NEDD4L: variants seen among roughly 807,000 people sequenced by gnomAD.
NEDD4L encodes the protein NEDD4 like E3 ubiquitin protein ligase, also known as E3 ubiquitin-protein ligase NEDD4-like.
A neutral mutation model predicts 148.9 loss-of-function variants in NEDD4L; 54 were observed. The ratio of observed to expected loss-of-function variants is 0.36; its 90% CI spans 0.29 to 0.45. The LOEUF (loss-of-function observed/expected upper bound fraction) is 0.45, where lower values mean the gene tolerates loss of function less well. Among genes scored for constraint, NEDD4L ranks in the 20% least tolerant of loss-of-function variants. The pLI, the probability that NEDD4L is intolerant of heterozygous loss-of-function variation, is 1.00. For missense variants in NEDD4L, 856 were observed against 1,233.8 expected, an observed-to-expected ratio of 0.69 and a Z score of 4.59; for synonymous variants, 433 against 440.7, an observed-to-expected ratio of 0.98 and a Z score of 0.22.
chr18:58,195,532 G>A (rs968862769), intron 2 of NEDD4L: 2 of 1,341,816 alleles, frequency 1.5e-6, no homozygotes, highest in African/African-American at 1.5e-5. Context: ...GGGCGGGAGC[G>A]GCTGCAGAGC....
intron 5 of NEDD4L, among the ~76,000 whole-genome samples, chr18:58,285,505 C>T (rs552329508): frequency 1.3e-5 from 2 of 152,202 alleles, no homozygotes; most frequent in East Asian, 3.9e-4. Flanking sequence ...AGATTCCTCT[C>T]CTACCCCTAG....
At chr18:58,156,173 C>T (rs60515819) in intron 1 of NEDD4L, among the ~76,000 whole-genome samples, 8,098 of 152,228 alleles carry the variant, frequency 0.053, 336 homozygotes, top group East Asian at 0.22. Context: ...ACTAGTCCAG[C>T]GACCAGCCCA....
intron 4 of NEDD4L, among the ~76,000 whole-genome samples, chr18:58,251,220 C>G (rs1439641959): frequency 6.6e-6 from 1 of 152,130 alleles, no homozygotes; most frequent in Non-Finnish European, 1.5e-5. Flanking sequence ...AATAACAAGA[C>G]AGTGCCTAAA....
intron 8 of NEDD4L, among the ~76,000 whole-genome samples, 179 bp from the exon 9 acceptor site, chr18:58,324,817 G>GAT (rs1181429627): frequency 2.6e-5 from 4 of 152,026 alleles, no homozygotes; most frequent in Admixed American, 6.6e-5. Flanking sequence ...TTCTAGAATT[G>GAT]ATATATATAT....
chr18:58,314,823 T>G (rs2058087860), intron 5 of NEDD4L, among the ~76,000 whole-genome samples: 1 of 152,198 alleles, frequency 6.6e-6, no homozygotes, highest in African/African-American at 2.4e-5. Context: ...TTCATCAAAT[T>G]TTTTCAATTA....
At chr18:58,139,451 T>G (rs769655187) in intron 1 of NEDD4L, among the ~76,000 whole-genome samples, 2 of 152,156 alleles carry the variant, frequency 1.3e-5, no homozygotes, top group Non-Finnish European at 2.9e-5. Flanking sequence ...CTATCAACTT[T>G]AGGATTATTA....
intron 1 of NEDD4L, among the ~76,000 whole-genome samples, chr18:58,140,923 G>T (rs181230388): frequency 5.3e-4 from 81 of 152,326 alleles, no homozygotes; most frequent in African/African-American, 1.8e-3. Context: ...TAACTATCAC[G>T]TTGTCAATAA....
At chr18:58,359,415 C>T (rs763283128) in intron 19 of NEDD4L, among the ~76,000 whole-genome samples, 7 of 152,190 alleles carry the variant, frequency 4.6e-5, no homozygotes, top group Non-Finnish European at 8.8e-5. Context: ...TGTCTACTCT[C>T]CTTAACATCA....
At chr18:58,340,921 A>G (rs2042336566) in intron 13 of NEDD4L, 117 bp from the exon 14 acceptor site, 2 of 1,055,816 alleles carry the variant, frequency 1.9e-6, no homozygotes, top group South Asian at 1.6e-5. Flanking sequence ...TTTCTATATA[A>G]ATAGATCTAA....
intron 2 of NEDD4L, among the ~76,000 whole-genome samples, chr18:58,193,088 G>A (rs2040291336): frequency 1.3e-5 from 2 of 152,062 alleles, no homozygotes; most frequent in South Asian, 4.1e-4. Context: ...GTGTGGATGA[G>A]GTCAGATGCG....
intron 1 of NEDD4L, among the ~76,000 whole-genome samples, chr18:58,128,135 C>T (rs988337155): frequency 3.9e-5 from 6 of 152,146 alleles, no homozygotes; most frequent in African/African-American, 9.7e-5. Context: ...CAACCTCCAC[C>T]TCCTGGGTTC....
intron 5 of NEDD4L, among the ~76,000 whole-genome samples, chr18:58,270,244 T>A (rs1487913934): frequency 2.0e-5 from 3 of 152,230 alleles, no homozygotes; most frequent in Non-Finnish European, 4.4e-5. Context: ...ATAGGTGGTT[T>A]CTCTCACGGT....
rs2035015029 is a variant in NEDD4L at position 58,153,183 on chromosome 18, TTGA to T, written c.49-12600_49-12598del. 2.0e-5 allele frequency among the ~76,000 whole-genome samples: 3 copies of T among 151,528 alleles called. No individual in the cohort carries two copies. In the South Asian group the frequency reaches 6.3e-4, roughly 32 times the overall value. ...TTCCTGTCTTTGCATAACCTCTCAC[TTGA>T]TGATAATTTTTTTTTAAAAAAATGA... On this transcript the variant is annotated intron_variant, in intron 1 of 30. Coordinates refer to ENST00000400345, the MANE Select transcript of NEDD4L (RefSeq NM_001144967.3).
At chr18:58,118,385 G>A (rs2085997170) in intron 1 of NEDD4L, among the ~76,000 whole-genome samples, 1 of 152,258 alleles carries the variant, frequency 6.6e-6, no homozygotes. Context: ...TGAAATTGGT[G>A]AAGCAGACTT....
chr18:58,078,568 C>T (rs1311460071), intron 1 of NEDD4L, among the ~76,000 whole-genome samples: 1 of 152,140 alleles, frequency 6.6e-6, no homozygotes, highest in Non-Finnish European at 1.5e-5. Flanking sequence ...TCACTTGACT[C>T]CACAGTGAAT....
chr18:58,164,208 G>A (rs1814292449), intron 1 of NEDD4L, among the ~76,000 whole-genome samples: 1 of 151,882 alleles, frequency 6.6e-6, no homozygotes, highest in Admixed American at 6.6e-5. Context: ...CCCCTTTCTA[G>A]CTAGCTAGCT....
chr18:58,357,245 C>G lies in NEDD4L; in HGVS notation c.1760C>G (p.Thr587Ser). 6.2e-7 allele frequency: 1 copy of G among 1,611,468 alleles called. No individual in the cohort carries two copies. The highest frequency in any genetic ancestry group is 1.3e-5 in the African/African-American group (1 of 74,598). Residue 587 changes from threonine (T) to serine (S), a missense_variant, in exon 19 of 31, where the codon ACT becomes AGT. Thr to Ser is a moderately conservative substitution (Grantham distance 58, BLOSUM62 1). Coordinates refer to ENST00000400345, the MANE Select transcript of NEDD4L (RefSeq NM_001144967.3). ...EDPRLQNPAITGPAVPYSREF... is the reference protein window; with the variant it reads ...EDPRLQNPAISGPAVPYSREF... ...CCAAGACTGCAGAACCCAGCTATTA[C>G]TGGTCCGGTCAGTATTTTCAAATTC...
Position 58,115,536 on chromosome 18 carries a change from G to T in NEDD4L, c.49-50252G>T, listed in dbSNP as rs568421641. Among the ~76,000 whole-genome samples, 6 of 152,286 alleles carry T rather than the reference G, an allele frequency of 3.9e-5. No homozygotes were observed. In the East Asian group the frequency reaches 9.6e-4, roughly 24 times the overall value. ...TTCTCATACTTGTAGAAGTTGTTGA[G>T]AAATACTGGATTCTAATTTCCAGAA... On this transcript the variant is annotated intron_variant, in intron 1 of 30. Coordinates refer to ENST00000400345, the MANE Select transcript of NEDD4L (RefSeq NM_001144967.3).
chr18:58,301,436 TGTC>T (rs904599526), intron 5 of NEDD4L, among the ~76,000 whole-genome samples: 1 of 152,242 alleles, frequency 6.6e-6, no homozygotes, highest in Non-Finnish European at 1.5e-5. Flanking sequence ...CCCTGCAATG[TGTC>T]ACTCTCTCTG....
Sources: gnomAD v4.1 joint callset for allele counts (sites outside exome capture counted in the v4.1 genomes callset) on GRCh38, gnomAD v4.1.1 for gene constraint, MANE v1.5 for transcripts, NCBI Gene and HGNC (gene_info 2026-07-23, HGNC 2026-07-21) for gene names.